The following EYA1 variants were observed in gnomAD, a reference collection of about 807,000 sequenced individuals.
EYA1 encodes protein phosphatase EYA1.
EYA1 carries 16 observed loss-of-function variants against 82.0 expected under a neutral mutation model. That is an observed-to-expected ratio of 0.20 (90% confidence interval 0.13 to 0.30). The LOEUF is 0.30. Ranked by LOEUF, EYA1 falls within the 10% of genes least tolerant of loss-of-function variation. EYA1 has a pLI of 1.00. For missense variants in EYA1, 633 were observed against 730.7 expected (o/e 0.87, Z 1.54); for synonymous variants, 261 against 264.4 (o/e 0.99, Z 0.12).
At chr8:71,374,978 C>T (rs1306342007) in intron 2 of EYA1, among the ~76,000 whole-genome samples, 1 of 151,730 alleles carries the variant, frequency 6.6e-6, no homozygotes, top group Non-Finnish European at 1.5e-5. Context: ...ATGTGGTTAC[C>T]AGGGGCAAGG....
At chr8:71,243,679 G>A (rs971438255) in intron 12 of EYA1, among the ~76,000 whole-genome samples, 2 of 152,146 alleles carry the variant, frequency 1.3e-5, no homozygotes, top group African/African-American at 4.8e-5. Context: ...TTTTTCAAAT[G>A]ATTTTGGCTC....
At chr8:71,451,617 A>C (rs1807381134) in intron 2 of EYA1, among the ~76,000 whole-genome samples, 1 of 152,146 alleles carries the variant, frequency 6.6e-6, no homozygotes, top group Non-Finnish European at 1.5e-5. Flanking sequence ...ATTTTTACAT[A>C]TCTTTACCTT....
At chr8:71,396,772 G>A (rs956008799) in intron 2 of EYA1, among the ~76,000 whole-genome samples, 10 of 152,166 alleles carry the variant, frequency 6.6e-5, no homozygotes, top group Non-Finnish European at 1.0e-4. Context: ...CTGTTGACTT[G>A]GGGTGCAGAG....
At chr8:71,201,715 T>A (rs910770183) in intron 17 of EYA1, among the ~76,000 whole-genome samples, 4 of 152,288 alleles carry the variant, frequency 2.6e-5, no homozygotes, top group African/African-American at 9.6e-5. Context: ...ATCCTACTCA[T>A]TTTACTACTT....
chr8:71,392,122 ATT>A (rs1454173863), intron 2 of EYA1, among the ~76,000 whole-genome samples: 1 of 152,196 alleles, frequency 6.6e-6, no homozygotes, highest in Non-Finnish European at 1.5e-5. Flanking sequence ...TGCTTTCCCA[ATT>A]CCTCTGTACA....
chr8:71,414,196 C>T (rs1211324066), intron 2 of EYA1, among the ~76,000 whole-genome samples: 1 of 152,178 alleles, frequency 6.6e-6, no homozygotes, highest in East Asian at 1.9e-4. Flanking sequence ...GGTGTGACCT[C>T]AGATGAGGCT....
chr8:71,250,428 C>T (rs1440102735), intron 11 of EYA1, among the ~76,000 whole-genome samples: 1 of 152,216 alleles, frequency 6.6e-6, no homozygotes, highest in Non-Finnish European at 1.5e-5. Flanking sequence ...AGCTCCACCT[C>T]CCTGATCCTT....
rs539041365 is a variant in EYA1 at position 71,308,702 on chromosome 8, CT to C, written c.556+8849del. Reference sequence around the variant, plus strand: ...ACTGCCCAGTTATAACTTCAAAAAGCTTTTTTTTTTTTTTAAGAAAAAAAAA... The same window carrying C: ...ACTGCCCAGTTATAACTTCAAAAAGCTTTTTTTTTTTTTAAGAAAAAAAAA... On this transcript the variant is annotated intron_variant, in intron 7 of 17. Coordinates refer to ENST00000340726, the MANE Select transcript of EYA1 (RefSeq NM_000503.6). Among the ~76,000 whole-genome samples the C allele has an allele frequency of 9.8e-3, 1,216 of 124,002 alleles. 6 individuals are homozygous for C. The highest frequency in any genetic ancestry group is 0.014 in the Non-Finnish European group (785 of 57,488). 81.4% of individuals were successfully genotyped at this position (124,002 alleles called of 152,430 possible). A position where few individuals can be genotyped will look rare whatever the true frequency, so the allele number is the denominator to read the frequency against.
intron 2 of EYA1, among the ~76,000 whole-genome samples, chr8:71,513,155 C>CTT (rs1563691007): frequency 6.6e-6 from 1 of 152,060 alleles, no homozygotes; most frequent in African/African-American, 2.4e-5. Context: ...GCATATAGCT[C>CTT]TTCTTGAAAA....
chr8:71,542,003 C>T (rs1180979910), intron 1 of EYA1, among the ~76,000 whole-genome samples: 1 of 152,152 alleles, frequency 6.6e-6, no homozygotes, highest in South Asian at 2.1e-4. Context: ...AAATTAATGA[C>T]TACACCTAAA....
At chr8:71,475,360 G>A (rs1809576927) in intron 2 of EYA1, among the ~76,000 whole-genome samples, 1 of 152,100 alleles carries the variant, frequency 6.6e-6, no homozygotes, top group Non-Finnish European at 1.5e-5. Flanking sequence ...AGAAAGATTT[G>A]CTTTTTAACG....
At chr8:71,509,229 AAAATAAAT>A (rs751208748) in intron 2 of EYA1, among the ~76,000 whole-genome samples, 20 of 152,080 alleles carry the variant, frequency 1.3e-4, no homozygotes, top group Non-Finnish European at 2.5e-4. Flanking sequence ...ACCCGGTCTC[AAAATAAAT>A]AAATAAATAA....
chr8:71,518,646 T>C (rs1563696683), intron 2 of EYA1, among the ~76,000 whole-genome samples: 2 of 152,102 alleles, frequency 1.3e-5, no homozygotes, highest in African/African-American at 4.8e-5. Context: ...ACTTCAGCAA[T>C]GAGAATGTAG....
At position 71,485,508 on chromosome 8, in the gene EYA1, C is replaced by T. The variant is rs80184533; in HGVS notation, c.33+50236G>A. On this transcript the variant is annotated intron_variant, in intron 2 of 18. Coordinates refer to the EYA1 transcript ENST00000643681. ...ATTCCTCTAAATCATGTAAAAAGAA[C>T]GGTTAGGCAAGAAGAGAACAGATTT... Among the ~76,000 whole-genome samples, 109 of 151,784 alleles carry T rather than the reference C, an allele frequency of 7.2e-4. No individual in the cohort carries two copies. In the East Asian group the frequency reaches 0.02, roughly 27 times the overall value.
intron 9 of EYA1, among the ~76,000 whole-genome samples, chr8:71,281,774 TG>T (rs1365989743): frequency 6.6e-6 from 1 of 152,232 alleles, no homozygotes; most frequent in Non-Finnish European, 1.5e-5. Context: ...TCTTTATTTT[TG>T]AACAAGGGGC....
rs189317155 is a variant in EYA1, at chr8:71,544,845, C to T, written c.-73+3019G>A. Among the ~76,000 whole-genome samples, 17 of 152,318 alleles carry T rather than the reference C, an allele frequency of 1.1e-4. 1 individual carries two copies. In the South Asian group the frequency reaches 2.5e-3, roughly 22 times the overall value. ...ATTCTGCTGTTCTATATTTGGGAAA[C>T]TGATTCATTTCTGTGAAATTCTCAT... On this transcript the variant is annotated intron_variant, in intron 1 of 18. Transcript: ENST00000643681.
At chr8:71,249,164 G>A (rs533179656) in intron 11 of EYA1, among the ~76,000 whole-genome samples, 3 of 152,078 alleles carry the variant, frequency 2.0e-5, no homozygotes, top group East Asian at 1.9e-4. Context: ...ATATGCCACT[G>A]CTGTTTACTC....
At chr8:71,332,637 G>T (rs1272119761) in intron 4 of EYA1, among the ~76,000 whole-genome samples, 1 of 152,108 alleles carries the variant, frequency 6.6e-6, no homozygotes, top group Non-Finnish European at 1.5e-5. Flanking sequence ...AATTCATCCT[G>T]CCATGGTGGC....
chr8:71,475,215 T>C (rs1200246766), intron 2 of EYA1, among the ~76,000 whole-genome samples: 1 of 152,154 alleles, frequency 6.6e-6, no homozygotes, highest in Admixed American at 6.6e-5. Flanking sequence ...AATTTAAAAA[T>C]CAAGGTATAT....
Sources: gnomAD v4.1 joint callset for allele counts (sites outside exome capture counted in the v4.1 genomes callset) on GRCh38, gnomAD v4.1.1 for gene constraint, MANE v1.5 for transcripts, NCBI Gene and HGNC (gene_info 2026-07-23, HGNC 2026-07-21) for gene names.